The following CPSF6 variants were observed in gnomAD, a reference collection of about 807,000 sequenced individuals.
CPSF6 encodes the protein cleavage and polyadenylation specific factor 6.
CPSF6 carries 10 observed loss-of-function variants against 56.7 expected under a neutral mutation model. The ratio of observed to expected loss-of-function variants is 0.18; its 90% CI spans 0.11 to 0.30. The LOEUF (loss-of-function observed/expected upper bound fraction) is 0.30. Ranked by LOEUF, CPSF6 falls within the 10% of genes least tolerant of loss-of-function variation. CPSF6 has a pLI of 1.00. For synonymous variants in CPSF6, 248 were observed against 244.8 expected, an observed-to-expected ratio of 1.01 and a Z score of -0.12; for missense variants, 419 against 722.9, an observed-to-expected ratio of 0.58 and a Z score of 4.82.
chr12:69,256,040 T>C (rs1712788834), intron 3 of CPSF6, among the ~76,000 whole-genome samples: 1 of 152,214 alleles, frequency 6.6e-6, no homozygotes, highest in African/African-American at 2.4e-5. Context: ...TGGAAAATTA[T>C]TCACCCATAA....
chr12:69,271,685 ACTT>A lies in CPSF6; in HGVS notation c.*2181_*2183del, dbSNP rs1257288095. On this transcript the variant is annotated 3_prime_UTR_variant, in exon 10 of 10. Coordinates refer to ENST00000435070, the MANE Select transcript of CPSF6 (RefSeq NM_007007.3). ...TTTTAAGTGTTGTCAGAAGGAAATA[ACTT>A]CTTGGTTTGACCAAGTAATTTTGCA... 6.6e-6 allele frequency: 1 copy of A among 151,704 alleles called. No homozygotes were observed. Among genetic ancestry groups the A allele is most frequent in the Admixed American group, 6.6e-5 (1 of 15,214 alleles). 9.4% of individuals were successfully genotyped at this position (151,704 alleles called of 1,614,324 possible).
chr12:69,255,141 A>G (rs565166309), intron 3 of CPSF6: 1 of 152,364 alleles, frequency 6.6e-6, no homozygotes, highest in South Asian at 2.1e-4. Flanking sequence ...ATCATAAAAT[A>G]CGTAGTCCTA....
chr12:69,260,486 G>A (rs775605166), intron 8 of CPSF6, among the ~76,000 whole-genome samples: 4 of 152,044 alleles, frequency 2.6e-5, no homozygotes, highest in Non-Finnish European at 5.9e-5. Context: ...TCTCCAGTGA[G>A]TATTTCTCCA....
intron 9 of CPSF6, among the ~76,000 whole-genome samples, chr12:69,268,845 C>G (rs1014730239): frequency 1.3e-5 from 2 of 151,520 alleles, no homozygotes; most frequent in African/African-American, 4.8e-5. Flanking sequence ...GTTTATAATA[C>G]TACGTTAGGT....
intron 1 of CPSF6, among the ~76,000 whole-genome samples, chr12:69,244,453 A>G (rs1026812483): frequency 1.3e-5 from 2 of 151,962 alleles, no homozygotes; most frequent in Non-Finnish European, 2.9e-5. Context: ...CGAACTCGTG[A>G]CCTCAAGTGA....
chr12:69,253,170 C>A lies in CPSF6; in HGVS notation c.374+16C>A. On this transcript the variant is annotated intron_variant, in intron 3 of 9. Coordinates refer to ENST00000435070, the MANE Select transcript of CPSF6 (RefSeq NM_007007.3). ...AGTCAAAGGGGTAAGTTTTTTTTTT[C>A]TTTCTTTTTGATTTAGTAGCTAGTG... 7.7e-7 allele frequency: 1 copy of A among 1,296,640 alleles called. No individual in the cohort carries two copies. Among genetic ancestry groups the A allele is most frequent in the South Asian group, 1.3e-5 (1 of 76,474 alleles). The allele number at this position is 1,296,640 out of a possible 1,614,324, so 80.3% of individuals were successfully genotyped here. A position where few individuals can be genotyped will look rare whatever the true frequency, so the allele number is the denominator to read the frequency against.
intron 1 of CPSF6, among the ~76,000 whole-genome samples, chr12:69,242,137 CGTT>C (rs1455038700): frequency 1.3e-5 from 2 of 151,844 alleles, no homozygotes; most frequent in Admixed American, 6.6e-5. Flanking sequence ...GTTTTATTGT[CGTT>C]GAGTAAAATA....
intron 9 of CPSF6, among the ~76,000 whole-genome samples, chr12:69,265,784 T>C (rs1227599851): frequency 6.6e-6 from 1 of 151,932 alleles, no homozygotes; most frequent in Non-Finnish European, 1.5e-5. Flanking sequence ...GTAGTTTTAG[T>C]AGAGATGGGG....
intron 1 of CPSF6, among the ~76,000 whole-genome samples, chr12:69,240,339 C>G (rs1012106471): frequency 3.3e-5 from 5 of 152,228 alleles, no homozygotes; most frequent in Non-Finnish European, 7.3e-5. Flanking sequence ...CTCACACTTT[C>G]TGAAGGCGAC....
At chr12:69,256,950 A>G in intron 4 of CPSF6, 108 bp downstream of exon 4, 4 of 940,240 alleles carry the variant, frequency 4.3e-6, no homozygotes, top group East Asian at 5.0e-5. Context: ...TAGGAACTCC[A>G]TTTCACAAAG....
Position 69,251,307 on chromosome 12 carries a change from G to A in CPSF6, c.239G>A (p.Arg80Lys), listed in dbSNP as rs1872230588. 2.6e-5 allele frequency: 41 copies of A among 1,575,260 alleles called. No homozygotes were observed. Among genetic ancestry groups the A allele is most frequent in the Non-Finnish European group, 3.6e-5 (41 of 1,146,500 alleles). ...PNVVYTYTGK[R>K]IALYIGNLTW... The stretch of plus-strand genomic sequence containing the variant: ...GTTGTCTATACATATACTGGAAAGA[G>A]AATTGCATTATATATTGGAAATCTA... The change falls in exon 2 of 10, where the codon AGA (arginine) becomes AAA (lysine). Residue 80 changes from arginine to lysine, a missense_variant. Coordinates refer to ENST00000435070, the MANE Select transcript of CPSF6 (RefSeq NM_007007.3).
chr12:69,257,426 A>T (rs999697358), intron 4 of CPSF6, among the ~76,000 whole-genome samples: 3 of 152,200 alleles, frequency 2.0e-5, no homozygotes, highest in Non-Finnish European at 4.4e-5. Context: ...AATTTAAATG[A>T]TGTAATACTG....
intron 1 of CPSF6, among the ~76,000 whole-genome samples, chr12:69,248,654 C>T (rs1872040729): frequency 6.6e-6 from 1 of 152,142 alleles, no homozygotes; most frequent in Non-Finnish European, 1.5e-5. Flanking sequence ...TTTAGTATTG[C>T]TGTACAAACA....
intron 1 of CPSF6, among the ~76,000 whole-genome samples, chr12:69,244,141 G>A (rs964190357): frequency 2.0e-5 from 3 of 152,036 alleles, no homozygotes. Flanking sequence ...TATAAATTTG[G>A]ACTCTTCAAT....
At chr12:69,242,250 A>ATTTG (rs1555167031) in intron 1 of CPSF6, among the ~76,000 whole-genome samples, 1 of 151,890 alleles carries the variant, frequency 6.6e-6, no homozygotes, top group Non-Finnish European at 1.5e-5. Context: ...TTCTCATTGG[A>ATTTG]TTTGTATACT....
At chr12:69,263,522 T>C (rs984716282) in intron 9 of CPSF6, among the ~76,000 whole-genome samples, 1 of 152,092 alleles carries the variant, frequency 6.6e-6, no homozygotes, top group Non-Finnish European at 1.5e-5. Flanking sequence ...ATATTTTTTC[T>C]TTATATGTTG....
chr12:69,267,379 TTA>T (rs2120640207), intron 9 of CPSF6, among the ~76,000 whole-genome samples: 1 of 152,128 alleles, frequency 6.6e-6, no homozygotes, highest in Admixed American at 6.5e-5. Context: ...TTTACAGACT[TTA>T]TTAAAAAGGT....
chr12:69,249,807 C>A (rs970844599), intron 1 of CPSF6, among the ~76,000 whole-genome samples: 6 of 152,302 alleles, frequency 3.9e-5, no homozygotes, highest in African/African-American at 1.4e-4. Flanking sequence ...GAACCCTCTT[C>A]TATTTTTTTC....
intron 9 of CPSF6, among the ~76,000 whole-genome samples, chr12:69,267,168 T>C (rs983256749): frequency 6.6e-6 from 1 of 152,040 alleles, no homozygotes; most frequent in Non-Finnish European, 1.5e-5. Flanking sequence ...TGAAAATCTA[T>C]AAAAGTGCCC....
Sources: gnomAD v4.1 joint callset for allele counts (sites outside exome capture counted in the v4.1 genomes callset) on GRCh38, gnomAD v4.1.1 for gene constraint, MANE v1.5 for transcripts, NCBI Gene and HGNC (gene_info 2026-07-23, HGNC 2026-07-21) for gene names.